The following SP110 variants were observed in gnomAD, a reference collection of about 807,000 sequenced individuals.
SP110 encodes the protein interferon-induced protein 41, 30kD.
In SP110, 62 loss-of-function variants were observed where a neutral mutation model predicts 92.7. The observed-to-expected ratio is 0.67, with a 90% CI of 0.55 to 0.83. The LOEUF (loss-of-function observed/expected upper bound fraction) is 0.83. Among genes scored for constraint, SP110 ranks in the 40% least tolerant of loss-of-function variants. SP110 has a pLI of 0.00. For synonymous variants in SP110, 273 were observed against 305.3 expected, an observed-to-expected ratio of 0.89 and a Z score of 1.10; for missense variants, 793 against 863.9, an observed-to-expected ratio of 0.92 and a Z score of 1.03.
chr2:230,185,852 C>T (rs369306587), intron 11 of SP110, 142 bp downstream of exon 11: 6 of 808,226 alleles, frequency 7.4e-6, no homozygotes, highest in South Asian at 4.2e-5. Flanking sequence ...TCAACAGATC[C>T]GTGCTCTGTC....
In SP110 at chr2:230,172,041, G is replaced by T. The variant is rs772759049; in HGVS notation, c.1815+25C>A. The T allele has an allele frequency of 3.0e-6, 4 of 1,351,526 alleles. No homozygotes were observed. The Admixed American group carries it at 5.0e-5, about 17-fold the overall frequency. The allele number at this position is 1,351,526 out of a possible 1,614,324, so 83.7% of individuals were successfully genotyped here. A position where few individuals can be genotyped will look rare whatever the true frequency, so the allele number is the denominator to read the frequency against. On this transcript the variant is annotated intron_variant, in intron 16 of 18. Transcript: ENST00000258381. Reference sequence around the variant, plus strand: ...TCTCGTGTGAGAAGGGAAAAGTATAGGTTTGGGGTTTGCATCCAACTCACC... The same window carrying T: ...TCTCGTGTGAGAAGGGAAAAGTATATGTTTGGGGTTTGCATCCAACTCACC...
At chr2:230,218,517 AAAGG>A (rs1264800504) in intron 1 of SP110, among the ~76,000 whole-genome samples, 2 of 152,226 alleles carry the variant, frequency 1.3e-5, no homozygotes, top group African/African-American at 4.8e-5. Context: ...AAAGTCAGAG[AAAGG>A]CAGAGTAAAC....
At chr2:230,172,234 TG>T in intron 15 of SP110, 60 bp from the exon 16 acceptor site, 2 of 1,036,414 alleles carry the variant, frequency 1.9e-6, no homozygotes, top group Non-Finnish European at 3.1e-6. Flanking sequence ...CCACCATTCC[TG>T]TGGCTGCCAC....
chr2:230,192,948 T>C (rs550838050), intron 10 of SP110, among the ~76,000 whole-genome samples: 2 of 152,330 alleles, frequency 1.3e-5, no homozygotes, highest in East Asian at 3.9e-4. Context: ...GACAGTGGAA[T>C]ACTGAAGTTC....
At chr2:230,170,784 G>T (rs199803040) in intron 17 of SP110, 23 bp from the exon 18 acceptor site, 137 of 1,613,472 alleles carry the variant, frequency 8.5e-5, no homozygotes, top group Non-Finnish European at 1.1e-4. Flanking sequence ...GCCACCAGAG[G>T]TGACGTTAGC....
intron 10 of SP110, among the ~76,000 whole-genome samples, chr2:230,191,787 GC>G (rs755888753): frequency 4.6e-5 from 7 of 152,104 alleles, no homozygotes; most frequent in Non-Finnish European, 7.3e-5. Flanking sequence ...ATTTTATGAA[GC>G]CAGCATCATC....
At chr2:230,176,345 G>T in intron 14 of SP110, 1 of 657,322 alleles carries the variant, frequency 1.5e-6, no homozygotes, top group Non-Finnish European at 2.2e-6. Context: ...ATTCCTAGTT[G>T]ATTAAAAAAA....
At chr2:230,174,819 C>T (rs889809795) in intron 14 of SP110, among the ~76,000 whole-genome samples, 31 of 152,346 alleles carry the variant, frequency 2.0e-4, no homozygotes, top group African/African-American at 6.7e-4. Flanking sequence ...GACGTGCTGC[C>T]GAGCAGCAGT....
chr2:230,210,635 A>G (rs1436675536), intron 6 of SP110, among the ~76,000 whole-genome samples: 1 of 152,228 alleles, frequency 6.6e-6, no homozygotes, highest in Non-Finnish European at 1.5e-5. Context: ...TGTTAACAGC[A>G]AAGACATATA....
At chr2:230,214,069 T>A (rs1265114637) in intron 3 of SP110, 1 of 152,204 alleles carries the variant, frequency 6.6e-6, no homozygotes. Flanking sequence ...TGCTTGTTGT[T>A]CTGAGGTAAG....
intron 12 of SP110, among the ~76,000 whole-genome samples, chr2:230,182,562 A>T (rs930152237): frequency 1.3e-5 from 2 of 152,126 alleles, no homozygotes; most frequent in Non-Finnish European, 2.9e-5. Flanking sequence ...TGGGAGGCCC[A>T]TGTGAGGAGG....
chr2:230,192,530 C>T (rs2042684419), intron 10 of SP110, among the ~76,000 whole-genome samples: 1 of 150,990 alleles, frequency 6.6e-6, no homozygotes, highest in African/African-American at 2.5e-5. Context: ...AACTACCATT[C>T]ACAATCACTA....
upstream of SP110, among the ~76,000 whole-genome samples, chr2:230,223,550 C>A (rs2045989956): frequency 6.6e-6 from 1 of 152,160 alleles, no homozygotes; most frequent in African/African-American, 2.4e-5. Context: ...CTTTTACTCC[C>A]AAATCCTGAC....
rs199938221 is a variant in SP110 at position 230,202,597 on chromosome 2, G to A, written c.1030C>T (p.Arg344Ter). ...RAQKARTECA[R>*]KSRSEEIIDG... ...GCCTTACCCTCTGATCTCGACTTTC[G>A]GGCACATTCAGTTCTCGCCTTTTGG... The change falls in exon 9 of 19, where the codon CGA (arginine) becomes TGA (stop). Residue 344 changes from arginine to a stop codon, truncating the protein, a stop_gained. Transcript: ENST00000258381. LOFTEE classifies it high-confidence loss of function. The A allele has an allele frequency of 1.1e-4, 185 of 1,613,914 alleles. No homozygotes were observed. The highest frequency in any genetic ancestry group is 1.4e-4 in the Non-Finnish European group (169 of 1,179,992).
At chr2:230,171,494 C>A in intron 17 of SP110, 1 of 614,426 alleles carries the variant, frequency 1.6e-6, no homozygotes, top group South Asian at 1.9e-5. Context: ...ATCCCAGAGC[C>A]CGTGAGCAGT....
At chr2:230,198,756 A>G (rs760446731) in intron 10 of SP110, among the ~76,000 whole-genome samples, 10 of 152,058 alleles carry the variant, frequency 6.6e-5, no homozygotes, top group Non-Finnish European at 1.5e-5. Flanking sequence ...CACCAGGCTC[A>G]GCTAATTTTT....
At chr2:230,185,913 A>T in intron 11 of SP110, 81 bp downstream of exon 11, 1 of 1,201,482 alleles carries the variant, frequency 8.3e-7, no homozygotes, top group East Asian at 2.3e-5. Flanking sequence ...TTGACTTTAC[A>T]TATCTATCTG....
At chr2:230,186,215 G>T in intron 10 of SP110, 72 bp from the exon 11 acceptor site, 1 of 1,433,032 alleles carries the variant, frequency 7.0e-7, no homozygotes, top group Non-Finnish European at 9.8e-7. Context: ...CCTTTCAGGA[G>T]TTATCTTGCC....
intron 8 of SP110, 41 bp downstream of exon 8, chr2:230,207,950 C>T: frequency 1.0e-6 from 1 of 971,628 alleles, no homozygotes. Flanking sequence ...CCTGCATGAG[C>T]TGTTTCCAGC....
Sources: gnomAD v4.1 joint callset for allele counts (sites outside exome capture counted in the v4.1 genomes callset) on GRCh38, gnomAD v4.1.1 for gene constraint, MANE v1.5 for transcripts, NCBI Gene and HGNC (gene_info 2026-07-23, HGNC 2026-07-21) for gene names.